USP35: variants seen among roughly 807,000 people sequenced by gnomAD.
USP35 encodes ubiquitin specific peptidase 35.
A neutral mutation model predicts 83.8 loss-of-function variants in USP35; 69 were observed. The ratio of observed to expected loss-of-function variants is 0.82; its 90% CI spans 0.68 to 1.01. The LOEUF (loss-of-function observed/expected upper bound fraction) is 1.01. Among genes scored for constraint, USP35 ranks in the 50% least tolerant of loss-of-function variants. The pLI is 0.00. For synonymous variants in USP35, 714 were observed against 589.5 expected (o/e 1.21, Z -3.06); for missense variants, 1,503 against 1,362.5 (o/e 1.10, Z -1.62).
chr11:78,190,235 A>AT (rs768822497), intron 1 of USP35, among the ~76,000 whole-genome samples: 38 of 151,296 alleles, frequency 2.5e-4, no homozygotes, highest in East Asian at 1.9e-3. Context: ...CCAGGAACAG[A>AT]TTTTTGTTTT....
the USP35 span, among the ~76,000 whole-genome samples, chr11:78,237,106 G>C: frequency 5.3e-5 from 8 of 152,316 alleles, no homozygotes; most frequent in African/African-American, 1.9e-4. Context: ...CTGAAAGACT[G>C]TGGGTAAGAT....
the USP35 span, among the ~76,000 whole-genome samples, chr11:78,236,727 ATAT>A: frequency 2.0e-5 from 3 of 151,930 alleles, no homozygotes; most frequent in Non-Finnish European, 4.4e-5. Flanking sequence ...GGTTATGATT[ATAT>A]TATTTTTCTC....
the USP35 span, among the ~76,000 whole-genome samples, chr11:78,225,508 C>T: frequency 6.6e-6 from 1 of 152,202 alleles, no homozygotes; most frequent in Non-Finnish European, 1.5e-5. Flanking sequence ...GCCATCACTT[C>T]TCTGAACACC....
intron 2 of USP35, 58 bp from the exon 3 acceptor site, chr11:78,197,878 G>T: frequency 1.3e-6 from 2 of 1,584,208 alleles, no homozygotes; most frequent in Non-Finnish European, 8.6e-7. Flanking sequence ...GGCATGGTGT[G>T]CTGGGGGAAG....
intron 1 of USP35, among the ~76,000 whole-genome samples, chr11:78,194,944 C>A (rs958579943): frequency 6.6e-6 from 1 of 152,100 alleles, no homozygotes; most frequent in East Asian, 1.9e-4. Flanking sequence ...GGGAGATTGA[C>A]CCAGGCAGGG....
At position 78,196,536 on chromosome 11, in the gene USP35, C is replaced by G; in HGVS notation, c.291C>G (p.Gly97=). The stretch of plus-strand genomic sequence containing the variant: ...TGCAGGGTGGCGCCGGCCCCCCGGG[C>G]CCCCGCGCGCTCGCCTGCGTGCAGC... ...RLLQGGAGPP[G]PRALACVQLG... is the part of the protein sequence containing the mutation. Residue 97 remains glycine, a synonymous_variant, in exon 2 of 11, where the codon GGC becomes GGG. Transcript: ENST00000529308. The surrounding 1 kb of genome is among the most constrained non-coding windows in gnomAD (Gnocchi z 4.8). 1.6e-6 allele frequency: 2 copies of G among 1,224,306 alleles called. No homozygotes were observed. The highest frequency in any genetic ancestry group is 4.3e-5 in the Admixed American group (1 of 23,458). 75.8% of individuals were successfully genotyped at this position (1,224,306 alleles called of 1,614,324 possible).
downstream of USP35, chr11:78,217,089 C>T (rs1565412039): frequency 6.6e-6 from 1 of 152,506 alleles, no homozygotes; most frequent in Non-Finnish European, 1.5e-5. Context: ...TCATCCCCTT[C>T]TAAGGCCTAC....
chr11:78,223,786 C>T, the USP35 span: 2 of 927,832 alleles, frequency 2.2e-6, no homozygotes, highest in Non-Finnish European at 3.2e-6. Context: ...GTTAGCTATA[C>T]TTTGAAGCTG....
intron 1 of USP35, among the ~76,000 whole-genome samples, chr11:78,195,684 C>A (rs1421737761): frequency 2.0e-5 from 3 of 152,182 alleles, no homozygotes. Context: ...GGAGGAGGCT[C>A]ACGTAGCCTT....
intron 10 of USP35, among the ~76,000 whole-genome samples, chr11:78,213,239 G>GGTAAGGATCGCCATGAGGCTGAC (rs1863869591): frequency 6.6e-6 from 1 of 152,074 alleles, no homozygotes; most frequent in Non-Finnish European, 1.5e-5. Flanking sequence ...CAGGGTGGCG[G>GGTAAGGATCGCCATGAGGCTGAC]GTAAGGATCG....
At chr11:78,205,553 A>T (rs1255729874) in intron 6 of USP35, among the ~76,000 whole-genome samples, 1 of 152,160 alleles carries the variant, frequency 6.6e-6, no homozygotes, top group Non-Finnish European at 1.5e-5. Context: ...GCGACCCTGG[A>T]CAATTATTTT....
the USP35 span, among the ~76,000 whole-genome samples, chr11:78,224,225 G>A: frequency 6.6e-6 from 1 of 152,130 alleles, no homozygotes; most frequent in East Asian, 1.9e-4. Flanking sequence ...TGGTGACTGG[G>A]TCCACTTGGC....
At chr11:78,205,719 G>C in intron 6 of USP35, 123 bp from the exon 7 acceptor site, 1 of 1,035,724 alleles carries the variant, frequency 9.7e-7, no homozygotes, top group Middle Eastern at 3.3e-4. Context: ...AACATCTGTG[G>C]GGGGGTGTGC....
At chr11:78,197,435 C>T (rs1214565376) in intron 2 of USP35, among the ~76,000 whole-genome samples, 1 of 152,094 alleles carries the variant, frequency 6.6e-6, no homozygotes, top group African/African-American at 2.4e-5. Context: ...CCATTGACAA[C>T]AGTGGAACTT....
At chr11:78,220,400 A>C in the USP35 span, 3 of 1,604,034 alleles carry the variant, frequency 1.9e-6, no homozygotes, top group Non-Finnish European at 2.6e-6. Context: ...TAGGGGCAGG[A>C]CTGTTCGTGC....
chr11:78,199,398 T>A (rs2137033577), intron 3 of USP35, 197 bp from the exon 4 acceptor site: 1 of 737,112 alleles, frequency 1.4e-6, no homozygotes, highest in East Asian at 2.7e-5. Flanking sequence ...GCTGGGAGCC[T>A]CAGTGTCTGG....
chr11:78,226,550 T>A, the USP35 span: 1 of 1,349,220 alleles, frequency 7.4e-7, no homozygotes, highest in Non-Finnish European at 9.8e-7. Flanking sequence ...TTTCACTGAT[T>A]GGCGGTCTCT....
chr11:78,216,722 A>T, downstream of USP35: 1 of 152,284 alleles, frequency 6.6e-6, no homozygotes, highest in Non-Finnish European at 1.5e-5. Flanking sequence ...CACTCAGAAC[A>T]TGCTCACATG....
chr11:78,233,504 T>C, the USP35 span, among the ~76,000 whole-genome samples: 3 of 152,240 alleles, frequency 2.0e-5, no homozygotes, highest in Admixed American at 6.5e-5. Context: ...TAAAAAAATA[T>C]TGGATTGCTC....
Sources: gnomAD v4.1 joint callset for allele counts (sites outside exome capture counted in the v4.1 genomes callset) on GRCh38, gnomAD v4.1.1 for gene constraint, Gnocchi (gnomAD v3.1) non-coding constraint, MANE v1.5 for transcripts, NCBI Gene and HGNC (gene_info 2026-07-23, HGNC 2026-07-21) for gene names.